Variants in SLC20A2 observed in about 807,000 individuals in gnomAD.
The protein encoded by SLC20A2 is solute carrier family 20 member 2, also known as sodium-dependent phosphate transporter 2.
SLC20A2 carries 30 observed loss-of-function variants against 61.0 expected under a neutral mutation model. That is an observed-to-expected ratio of 0.49 (90% CI 0.37 to 0.67). The LOEUF (loss-of-function observed/expected upper bound fraction) is 0.67. Among genes scored for constraint, SLC20A2 ranks in the 30% least tolerant of loss-of-function variants. The probability of loss-of-function intolerance (pLI) is 0.00; values close to 1 mark genes in which losing one functional copy is unlikely to be tolerated. For missense variants in SLC20A2, 626 were observed against 866.4 expected (o/e 0.72, Z 3.48); for synonymous variants, 351 against 353.3 (o/e 0.99, Z 0.07).
rs1416804518 is a variant in SLC20A2, at chr8:42,455,241, A to AAATAT, written c.613+4654_613+4655insATATT. Among the ~76,000 whole-genome samples, 398 of 102,478 alleles carry AAATAT rather than the reference A, an allele frequency of 3.9e-3. 5 individuals are homozygous for AAATAT. The highest frequency in any genetic ancestry group is 0.019 in the African/African-American group (379 of 20,000). The allele number at this position is 102,478 out of a possible 152,430, so 67.2% of individuals were successfully genotyped here. On this transcript the variant is annotated intron_variant, in intron 5 of 10. Coordinates refer to ENST00000520262, the MANE Select transcript of SLC20A2 (RefSeq NM_001257180.2). The stretch of plus-strand genomic sequence containing the variant: ...CTCCGTCTAAAAAAAAAAAAAAAAA[A>AAATAT]ATATATATATATATATAGAGAGAGA...
intron 8 of SLC20A2, among the ~76,000 whole-genome samples, chr8:42,432,855 C>T (rs1465618395): frequency 1.3e-5 from 2 of 152,162 alleles, no homozygotes; most frequent in Admixed American, 6.5e-5. Flanking sequence ...ATTTAATAGA[C>T]TATGGTATAC....
At chr8:42,504,852 C>CAAAAAA (rs771127709), upstream of SLC20A2, among the ~76,000 whole-genome samples, 702 of 16,492 alleles carry the variant, frequency 0.043, 239 homozygotes, top group East Asian at 0.11. Flanking sequence ...GACTCCGTCT[C>CAAAAAA]AAAAAAAAAA....
intron 1 of SLC20A2, among the ~76,000 whole-genome samples, chr8:42,517,028 A>G (rs13281070): frequency 0.14 from 21,398 of 152,150 alleles, 1,695 homozygotes; most frequent in South Asian, 0.23. Flanking sequence ...CCTGCAGATC[A>G]TTTATCCTTA....
At chr8:42,430,001 G>C in intron 9 of SLC20A2, 63 bp downstream of exon 9, 4 of 1,437,950 alleles carry the variant, frequency 2.8e-6, no homozygotes, top group Non-Finnish European at 3.7e-6. Context: ...GACACAGCCG[G>C]GAAGCTCTAC....
Position 42,446,778 on chromosome 8 carries a change from T to G in SLC20A2, c.614-2016A>C, listed in dbSNP as rs566635720. Among the ~76,000 whole-genome samples, 4 of 152,278 alleles carry G rather than the reference T, an allele frequency of 2.6e-5. No individual in the cohort carries two copies. In the South Asian group the frequency reaches 6.2e-4, roughly 24 times the overall value. On this transcript the variant is annotated intron_variant, in intron 5 of 10. Coordinates refer to ENST00000520262, the MANE Select transcript of SLC20A2 (RefSeq NM_001257180.2). The stretch of plus-strand genomic sequence containing the variant: ...GAGACTGGAGTGGGAATTTCACTTT[T>G]TATTACACATACCTTTATAGTGGTA...
chr8:42,472,589 T>C lies in SLC20A2; in HGVS notation c.-199A>G. 1.8e-6 allele frequency: 1 copy of C among 563,358 alleles called. No homozygotes were observed. 34.9% of individuals were successfully genotyped at this position (563,358 alleles called of 1,614,324 possible). A position where few individuals can be genotyped will look rare whatever the true frequency, so the allele number is the denominator to read the frequency against. On this transcript the variant is annotated 5_prime_UTR_variant, in exon 2 of 11. Coordinates refer to ENST00000520262, the MANE Select transcript of SLC20A2 (RefSeq NM_001257180.2). The surrounding 1 kb of genome is among the most constrained non-coding windows in gnomAD (Gnocchi z 4.1). ...TGTCAGGACAGTTCATTTGGTTGTG[T>C]TCAGTCAGCGGTAAAACACATTCCA...
chr8:42,536,872 G>A (rs1416822355), intron 1 of SLC20A2, among the ~76,000 whole-genome samples: 5 of 152,036 alleles, frequency 3.3e-5, no homozygotes, highest in East Asian at 3.9e-4. Flanking sequence ...TCAGGAGTTC[G>A]AGACCAGCCT....
chr8:42,516,743 C>A (rs1811342009), intron 1 of SLC20A2, among the ~76,000 whole-genome samples: 2 of 152,218 alleles, frequency 1.3e-5, no homozygotes, highest in African/African-American at 4.8e-5. Flanking sequence ...CTTTCTCCAT[C>A]CACCACTAGT....
intron 1 of SLC20A2, among the ~76,000 whole-genome samples, chr8:42,516,598 G>T (rs942864656): frequency 6.6e-6 from 1 of 152,190 alleles, no homozygotes; most frequent in African/African-American, 2.4e-5. Context: ...TTCAGTTACT[G>T]AGCACAGAAG....
intron 1 of SLC20A2, among the ~76,000 whole-genome samples, chr8:42,519,315 G>A (rs1337481784): frequency 6.6e-6 from 1 of 152,114 alleles, no homozygotes; most frequent in African/African-American, 2.4e-5. Context: ...ATGGTGGCAT[G>A]TGCCTGTAGT....
chr8:42,528,557 T>C (rs1490288085), intron 1 of SLC20A2, among the ~76,000 whole-genome samples: 1 of 152,144 alleles, frequency 6.6e-6, no homozygotes, highest in Non-Finnish European at 1.5e-5. Context: ...TACAGAAAAG[T>C]GGTTGAAAGC....
In SLC20A2 at chr8:42,494,378, G is replaced by C. The variant is rs542467722; in HGVS notation, c.-265+6653C>G. Among the ~76,000 whole-genome samples the C allele has an allele frequency of 4.6e-5, 7 of 152,138 alleles. 1 individual carries two copies. The South Asian group carries it at 1.4e-3, about 31-fold the overall frequency. On this transcript the variant is annotated intron_variant, in intron 1 of 10. Coordinates refer to ENST00000520262, the MANE Select transcript of SLC20A2 (RefSeq NM_001257180.2). ...AATTAAAATAGTTACTTTTTAAAGA[G>C]AAAGTTTTCTATTATTACATAAGTA...
At chr8:42,495,997 A>G (rs7002277) in intron 1 of SLC20A2, among the ~76,000 whole-genome samples, 72,286 of 151,752 alleles carry the variant, frequency 0.48, 17,370 homozygotes, top group Middle Eastern at 0.59. Context: ...TGATCCACCC[A>G]CCTTGGCCTC....
At chr8:42,481,102 A>T (rs772529221) in intron 1 of SLC20A2, among the ~76,000 whole-genome samples, 60 of 152,030 alleles carry the variant, frequency 3.9e-4, no homozygotes, top group Non-Finnish European at 8.4e-4. Context: ...GGTGCCAAGG[A>T]CTCTGCTGGC....
intron 1 of SLC20A2, among the ~76,000 whole-genome samples, chr8:42,530,297 C>G (rs1812239963): frequency 6.6e-6 from 1 of 152,152 alleles, no homozygotes; most frequent in Non-Finnish European, 1.5e-5. Context: ...ATTTAAACAG[C>G]AACTTTTAAA....
At chr8:42,436,515 T>C (rs1410610755) in intron 8 of SLC20A2, among the ~76,000 whole-genome samples, 1 of 152,060 alleles carries the variant, frequency 6.6e-6, no homozygotes, top group Non-Finnish European at 1.5e-5. Flanking sequence ...CCCTGTCAAA[T>C]GTGCCCTGTG....
At chr8:42,539,465 C>A (rs1198138987) in intron 1 of SLC20A2, among the ~76,000 whole-genome samples, 1 of 152,172 alleles carries the variant, frequency 6.6e-6, no homozygotes, top group Non-Finnish European at 1.5e-5. Context: ...GGACTCAATA[C>A]TAAGCATATG....
chr8:42,495,184 G>T (rs569046117), intron 1 of SLC20A2, among the ~76,000 whole-genome samples: 1 of 152,098 alleles, frequency 6.6e-6, no homozygotes, highest in African/African-American at 2.4e-5. Context: ...ACACATTTGT[G>T]AACTAGCTAC....
intron 9 of SLC20A2, 82 bp downstream of exon 9, chr8:42,429,982 G>A: frequency 7.8e-7 from 1 of 1,274,158 alleles, no homozygotes; most frequent in Non-Finnish European, 1.1e-6. Context: ...GTGCTGAGCA[G>A]GCCGTTCAGA....
Sources: allele counts gnomAD v4.1 joint callset (sites outside exome capture counted in the v4.1 genomes callset), GRCh38; gene constraint gnomAD v4.1.1; non-coding constraint Gnocchi (gnomAD v3.1); transcripts MANE v1.5; gene names NCBI Gene and HGNC (gene_info 2026-07-23, HGNC 2026-07-21).